The following PCDH19 variants were observed in gnomAD, a reference collection of about 807,000 sequenced individuals.
The protein encoded by PCDH19 is protocadherin 19, also known as protocadherin-19.
A neutral mutation model predicts 46.2 loss-of-function variants in PCDH19; 6 were observed. The observed-to-expected ratio is 0.13, with a 90% CI of 0.07 to 0.26. The LOEUF (loss-of-function observed/expected upper bound fraction) is 0.26. Ranked by LOEUF, PCDH19 falls within the 10% of genes least tolerant of loss-of-function variation. The pLI is 1.00. For synonymous variants in PCDH19, 481 were observed against 415.7 expected, an observed-to-expected ratio of 1.16 and a Z score of -1.91; for missense variants, 740 against 972.3, an observed-to-expected ratio of 0.76 and a Z score of 3.18.
chrX:100,409,709 T>TCCGCCGCCGCCG lies in PCDH19; in HGVS notation c.-1124_-1113dup, dbSNP rs59564734. ...TTTGGGCTGGGGTGTCGCTCCAAGG[T>TCCGCCGCCGCCG]CCGCCGCCGCCGCCGCCGCCGCCGC... On this transcript the variant is annotated 5_prime_UTR_variant, in exon 1 of 6. Transcript: ENST00000373034. 2,707 of 243,954 alleles carry TCCGCCGCCGCCG rather than the reference T, an allele frequency of 0.011. 74 individuals carry two copies. Among genetic ancestry groups the TCCGCCGCCGCCG allele is most frequent in the Non-Finnish European group, 0.016 (2,247 of 136,848 alleles). The allele number at this position is 243,954 out of a possible 1,213,427, so 20.1% of individuals were successfully genotyped here.
At position 100,408,576 on chromosome X, in the gene PCDH19, C is replaced by T. The variant is rs1255191262; in HGVS notation, c.22G>A (p.Val8Met). MESLLLP[V>M]LLLLAILWTQ... ...CACAGTATGGCCAGCAGCAGCAGCA[C>T]CGGCAGCAGGAGCGACTCCATGGCT... Residue 8 changes from valine (V) to methionine (M), a missense_variant, in exon 1 of 6, where the codon GTG (valine) becomes ATG (methionine). Coordinates refer to ENST00000373034, the MANE Select transcript of PCDH19 (RefSeq NM_001184880.2). The T allele has an allele frequency of 8.5e-7, 1 of 1,180,183 alleles. No homozygotes were observed. Among genetic ancestry groups the T allele is most frequent in the Non-Finnish European group, 1.1e-6 (1 of 884,740 alleles).
intron 5 of PCDH19, among the ~76,000 whole-genome samples, chrX:100,316,931 T>A (rs138491300): frequency 2.7e-5 from 3 of 112,295 alleles, no homozygotes; most frequent in African/African-American, 9.7e-5. Context: ...GGATTTTTTC[T>A]TGTCATATTT....
At chrX:100,359,792 A>AGT (rs200497239) in intron 3 of PCDH19, among the ~76,000 whole-genome samples, 5,264 of 91,592 alleles carry the variant, frequency 0.057, 300 homozygotes, top group African/African-American at 0.17. Flanking sequence ...CACATATAAG[A>AGT]GTGTGTGTGT....
At position 100,403,637 on chromosome X, in the gene PCDH19, G is replaced by A. The variant is rs777049971; in HGVS notation, c.2175C>T (p.Leu725=). 3 of 1,205,259 alleles carry A rather than the reference G, an allele frequency of 2.5e-6. No individual in the cohort carries two copies. Among genetic ancestry groups the A allele is most frequent in the African/African-American group, 1.7e-5 (1 of 57,758 alleles). ...CSNCLTITCL[L]GCFIKGQNSK... is the part of the protein sequence containing the mutation. ...TGTTTTGTCCTTTTATAAAACAGCCGAGGAGACAAGTGATGGTTAAACAAT... is the reference window on the plus strand; with the variant it reads ...TGTTTTGTCCTTTTATAAAACAGCCAAGGAGACAAGTGATGGTTAAACAAT... The change falls in exon 2 of 6, where the codon CTC becomes CTT. Residue 725 remains leucine (L), a synonymous_variant. Coordinates refer to ENST00000373034, the MANE Select transcript of PCDH19 (RefSeq NM_001184880.2).
chrX:100,341,492 G>A (rs1926250484), intron 5 of PCDH19, among the ~76,000 whole-genome samples: 1 of 111,794 alleles, frequency 8.9e-6, no homozygotes, highest in Non-Finnish European at 1.9e-5. Flanking sequence ...GTCTGATAGG[G>A]AAATAAAACC....
At chrX:100,309,507 C>CA (rs1925065198) in intron 5 of PCDH19, among the ~76,000 whole-genome samples, 1 of 111,311 alleles carries the variant, frequency 9.0e-6, no homozygotes, top group African/African-American at 3.3e-5. Context: ...AACCAAACAC[C>CA]ATTTGTTCCA....
chrX:100,367,584 G>C (rs1242030364), intron 3 of PCDH19, among the ~76,000 whole-genome samples: 1 of 111,600 alleles, frequency 9.0e-6, no homozygotes, highest in Non-Finnish European at 1.9e-5. Flanking sequence ...GTCCTCACAA[G>C]ACAGAAGATG....
Position 100,342,613 on chromosome X carries a change from A to G in PCDH19, c.2676-538T>C, listed in dbSNP as rs770695221. ...TCACACAGCTGGTAAAAAATATAGC[A>G]GACCTAAGACTGAAAACAGGTAGTC... On this transcript the variant is annotated intron_variant, in intron 4 of 5. Transcript: ENST00000373034. Among the ~76,000 whole-genome samples, 4 of 112,088 alleles carry G rather than the reference A, an allele frequency of 3.6e-5. No homozygotes were observed. In the South Asian group the frequency reaches 1.1e-3, roughly 32 times the overall value.
intron 5 of PCDH19, among the ~76,000 whole-genome samples, chrX:100,336,359 A>C (rs925357559): frequency 8.9e-6 from 1 of 112,438 alleles, no homozygotes; most frequent in East Asian, 2.8e-4. Flanking sequence ...AAACAAAATT[A>C]CATATTGTTG....
At chrX:100,332,961 CA>C (rs1417840870) in intron 5 of PCDH19, among the ~76,000 whole-genome samples, 1 of 106,378 alleles carries the variant, frequency 9.4e-6, no homozygotes, top group East Asian at 2.9e-4. Flanking sequence ...GTGATCGCAC[CA>C]CTGCAGTCCA....
At chrX:100,400,561 A>AAGT (rs1455041315) in intron 3 of PCDH19, among the ~76,000 whole-genome samples, 27 of 112,907 alleles carry the variant, frequency 2.4e-4, no homozygotes, top group African/African-American at 8.7e-4. Context: ...GTAGTCTTGT[A>AAGT]AGTAGTCTAC....
chrX:100,388,749 T>A (rs1252178576), intron 3 of PCDH19, among the ~76,000 whole-genome samples: 1 of 111,138 alleles, frequency 9.0e-6, no homozygotes, highest in Non-Finnish European at 1.9e-5. Flanking sequence ...TTTTAATCTT[T>A]GCTTATTTGA....
intron 3 of PCDH19, among the ~76,000 whole-genome samples, chrX:100,373,308 C>G (rs1275428062): frequency 8.9e-6 from 1 of 112,966 alleles, no homozygotes; most frequent in Non-Finnish European, 1.9e-5. Context: ...GCCTCCTTCT[C>G]CTAGTTTTAT....
At chrX:100,323,977 T>C (rs1323083140) in intron 5 of PCDH19, among the ~76,000 whole-genome samples, 1 of 111,429 alleles carries the variant, frequency 9.0e-6, no homozygotes, top group Non-Finnish European at 1.9e-5. Flanking sequence ...ATAGTAAAGT[T>C]AGCAGTTTAC....
At chrX:100,376,598 G>A (rs1196183313) in intron 3 of PCDH19, among the ~76,000 whole-genome samples, 1 of 111,863 alleles carries the variant, frequency 8.9e-6, no homozygotes, top group Non-Finnish European at 1.9e-5. Flanking sequence ...CATCAAATTA[G>A]AAATTTGGCA....
At chrX:100,335,548 G>T (rs1926059901) in intron 5 of PCDH19, among the ~76,000 whole-genome samples, 1 of 111,830 alleles carries the variant, frequency 8.9e-6, no homozygotes, top group Non-Finnish European at 1.9e-5. Flanking sequence ...TTTTCATATT[G>T]CTTCTCTTGC....
intron 3 of PCDH19, among the ~76,000 whole-genome samples, chrX:100,387,481 G>T (rs746266190): frequency 9.0e-6 from 1 of 111,388 alleles, no homozygotes; most frequent in South Asian, 3.8e-4. Context: ...TCAAGTATTG[G>T]AGAATACTAA....
At chrX:100,369,185 C>A (rs944588253) in intron 3 of PCDH19, among the ~76,000 whole-genome samples, 1 of 111,142 alleles carries the variant, frequency 9.0e-6, no homozygotes, top group African/African-American at 3.3e-5. Flanking sequence ...TCTCAATATT[C>A]CTAAGAGGAA....
intron 3 of PCDH19, among the ~76,000 whole-genome samples, chrX:100,393,583 T>C (rs1459362171): frequency 9.1e-6 from 1 of 110,480 alleles, no homozygotes; most frequent in Admixed American, 9.7e-5. Context: ...CTTTTCTTCC[T>C]GTCGGCTTAC....
Sources: allele counts gnomAD v4.1 joint callset (sites outside exome capture counted in the v4.1 genomes callset), GRCh38; gene constraint gnomAD v4.1.1; transcripts MANE v1.5; gene names NCBI Gene and HGNC (gene_info 2026-07-23, HGNC 2026-07-21).